SLC14A2: variants seen among roughly 807,000 people sequenced by gnomAD.
SLC14A2 encodes urea transporter 2.
Under a neutral mutation model 104.6 loss-of-function variants are expected in SLC14A2, and 91 were observed. The observed-to-expected ratio is 0.87, with a 90% CI of 0.73 to 1.04. SLC14A2 has a LOEUF of 1.04. Ranked by LOEUF, SLC14A2 falls within the 50% of genes least tolerant of loss-of-function variation. The pLI, the probability that SLC14A2 is intolerant of heterozygous loss-of-function variation, is 0.00. For missense variants in SLC14A2, 1,189 were observed against 1,156.0 expected (o/e 1.03, Z -0.41); for synonymous variants, 476 against 466.4 (o/e 1.02, Z -0.27).
chr18:45,356,385 T>TG (rs1279222133), intron 1 of SLC14A2, among the ~76,000 whole-genome samples: 2 of 152,240 alleles, frequency 1.3e-5, no homozygotes, highest in African/African-American at 4.8e-5. Context: ...ATAGGAGTGC[T>TG]GGTTAAACAG....
chr18:45,226,132 C>A (rs186120842), intron 1 of SLC14A2, among the ~76,000 whole-genome samples: 7,811 of 152,214 alleles, frequency 0.051, 275 homozygotes, highest in Admixed American at 0.087. Flanking sequence ...CCATCTCACA[C>A]CAGTTAGAAT....
At chr18:45,364,708 T>G (rs1338164234) in intron 1 of SLC14A2, among the ~76,000 whole-genome samples, 1 of 152,206 alleles carries the variant, frequency 6.6e-6, no homozygotes, top group Non-Finnish European at 1.5e-5. Flanking sequence ...GATTGGGGAA[T>G]GCACGTTTTA....
intron 1 of SLC14A2, among the ~76,000 whole-genome samples, chr18:45,357,313 T>G (rs1286593990): frequency 1.5e-5 from 2 of 131,286 alleles, no homozygotes; most frequent in African/African-American, 3.0e-5. Context: ...GGAAATACGG[T>G]GGAATTGGAA....
chr18:45,235,122 T>C (rs2084212286), intron 1 of SLC14A2, among the ~76,000 whole-genome samples: 2 of 152,190 alleles, frequency 1.3e-5, no homozygotes, highest in South Asian at 2.1e-4. Flanking sequence ...AAATGTAAGA[T>C]GTGAGGGGCT....
At chr18:45,498,951 A>T (rs1035293141) in intron 2 of SLC14A2, among the ~76,000 whole-genome samples, 1 of 152,230 alleles carries the variant, frequency 6.6e-6, no homozygotes, top group Admixed American at 6.5e-5. Flanking sequence ...CAACTTGTTT[A>T]AGCCTTTAGC....
At chr18:45,554,452 G>A (rs545927209) in intron 2 of SLC14A2, among the ~76,000 whole-genome samples, 14 of 152,186 alleles carry the variant, frequency 9.2e-5, no homozygotes, top group African/African-American at 2.2e-4. Context: ...ATTTTACAAC[G>A]TTTGCCCTAA....
In SLC14A2 at chr18:45,295,699, T is replaced by G. The variant is rs543102153; in HGVS notation, c.-125+82508T>G. On this transcript the variant is annotated intron_variant, in intron 1 of 20. Coordinates refer to the SLC14A2 transcript ENST00000586448. ...GCCTTATCTATCTGAAGCCTGCCTT[T>G]TCACCTTGATAACTGATTTCTGCAC... Among the ~76,000 whole-genome samples, 22 of 152,280 alleles carry G rather than the reference T, an allele frequency of 1.4e-4. No individual in the cohort carries two copies. The South Asian group carries it at 4.6e-3, about 32-fold the overall frequency.
At chr18:45,193,408 T>A in the SLC14A2 span, among the ~76,000 whole-genome samples, 18 of 152,230 alleles carry the variant, frequency 1.2e-4, no homozygotes, top group Admixed American at 1.2e-3. Flanking sequence ...ATAGGGCAAA[T>A]AATCAAGTTC....
At chr18:45,454,911 G>T (rs982580890) in intron 1 of SLC14A2, among the ~76,000 whole-genome samples, 1 of 152,208 alleles carries the variant, frequency 6.6e-6, no homozygotes, top group Non-Finnish European at 1.5e-5. Context: ...CTGTAGCCTT[G>T]TAGTATAGTT....
intron 1 of SLC14A2, among the ~76,000 whole-genome samples, chr18:45,329,489 G>C (rs1328563009): frequency 6.6e-6 from 1 of 152,204 alleles, no homozygotes; most frequent in Admixed American, 6.5e-5. Context: ...CTTCCATTTA[G>C]AAATGTGCTT....
At chr18:45,183,722 TTCTC>T in the SLC14A2 span, among the ~76,000 whole-genome samples, 7 of 151,528 alleles carry the variant, frequency 4.6e-5, no homozygotes, top group African/African-American at 1.5e-4. Flanking sequence ...TTTCTTTTCT[TTCTC>T]TCTTTCTTTC....
At chr18:45,650,120 T>G (rs911666672) in intron 10 of SLC14A2, among the ~76,000 whole-genome samples, 82 of 152,078 alleles carry the variant, frequency 5.4e-4, no homozygotes, top group Non-Finnish European at 1.8e-4. Flanking sequence ...CTTCACAATT[T>G]TTATCATTTG....
chr18:45,586,328 C>T (rs555990314), intron 2 of SLC14A2, among the ~76,000 whole-genome samples: 1 of 152,242 alleles, frequency 6.6e-6, no homozygotes, highest in South Asian at 2.1e-4. Context: ...TCCAAGGAGC[C>T]TCAGATGTCA....
intron 2 of SLC14A2, among the ~76,000 whole-genome samples, chr18:45,589,134 C>T (rs548108607): frequency 3.3e-5 from 5 of 152,358 alleles, no homozygotes; most frequent in African/African-American, 1.2e-4. Flanking sequence ...CATTAAATTA[C>T]AACTCGGCGG....
intron 2 of SLC14A2, among the ~76,000 whole-genome samples, chr18:45,487,544 GT>G (rs1248384100): frequency 6.6e-6 from 1 of 152,192 alleles, no homozygotes; most frequent in Non-Finnish European, 1.5e-5. Context: ...GAGTTGGTTG[GT>G]TGAGCAAGGA....
At chr18:45,433,692 A>G (rs1028556698) in intron 1 of SLC14A2, among the ~76,000 whole-genome samples, 3 of 152,250 alleles carry the variant, frequency 2.0e-5, no homozygotes, top group South Asian at 2.1e-4. Flanking sequence ...TGGGGCTACA[A>G]TGACATTTAA....
intron 1 of SLC14A2, among the ~76,000 whole-genome samples, chr18:45,281,175 C>T (rs2084758696): frequency 6.6e-6 from 1 of 152,210 alleles, no homozygotes; most frequent in Non-Finnish European, 1.5e-5. Context: ...CACGTCTGAA[C>T]ACTTGCTATT....
At chr18:45,413,035 T>C (rs967817821) in intron 1 of SLC14A2, among the ~76,000 whole-genome samples, 2 of 152,214 alleles carry the variant, frequency 1.3e-5, no homozygotes, top group African/African-American at 4.8e-5. Flanking sequence ...CCGTTTTTCA[T>C]TACTGTTGTT....
intron 1 of SLC14A2, among the ~76,000 whole-genome samples, chr18:45,265,525 C>T (rs188241310): frequency 1.3e-5 from 2 of 152,238 alleles, no homozygotes; most frequent in East Asian, 3.9e-4. Flanking sequence ...TGTGTCTGCC[C>T]ACCCTTTCAT....
Sources: allele counts gnomAD v4.1 joint callset (sites outside exome capture counted in the v4.1 genomes callset), GRCh38; gene constraint gnomAD v4.1.1; transcripts MANE v1.5; gene names NCBI Gene and HGNC (gene_info 2026-07-23, HGNC 2026-07-21).